Variants in SMOC2 observed in about 807,000 individuals in gnomAD.
SMOC2 encodes SPARC related modular calcium binding 2, also known as SPARC-related modular calcium-binding protein 2.
A neutral mutation model predicts 61.4 loss-of-function variants in SMOC2; 39 were observed. The observed-to-expected ratio is 0.64, with a 90% CI of 0.49 to 0.83. SMOC2 has a LOEUF of 0.83. SMOC2 is among the 40% of genes least tolerant of loss of function. The pLI, the probability that SMOC2 is intolerant of heterozygous loss-of-function variation, is 0.00. For missense variants in SMOC2, 556 were observed against 592.9 expected, an observed-to-expected ratio of 0.94 and a Z score of 0.65; for synonymous variants, 247 against 239.9, an observed-to-expected ratio of 1.03 and a Z score of -0.27.
intron 1 of SMOC2, among the ~76,000 whole-genome samples, chr6:168,473,395 G>A (rs545111336): frequency 3.9e-5 from 6 of 152,292 alleles, no homozygotes; most frequent in South Asian, 4.1e-4. Context: ...CTGCAGCACC[G>A]CCCTTACCTG....
intron 9 of SMOC2, among the ~76,000 whole-genome samples, chr6:168,622,372 G>A (rs867244644): frequency 7.3e-5 from 11 of 151,638 alleles, no homozygotes; most frequent in East Asian, 1.9e-4. Context: ...GGAGGCTGCC[G>A]GATTCATGAA....
intron 7 of SMOC2, among the ~76,000 whole-genome samples, chr6:168,567,630 G>A (rs753246130): frequency 1.4e-4 from 21 of 152,130 alleles, no homozygotes; most frequent in Admixed American, 3.9e-4. Context: ...TTCAGAGGTG[G>A]CAAAGCAAAT....
At chr6:168,506,387 T>A (rs968736845) in intron 1 of SMOC2, among the ~76,000 whole-genome samples, 1 of 152,238 alleles carries the variant, frequency 6.6e-6, no homozygotes, top group Non-Finnish European at 1.5e-5. Flanking sequence ...AACATTTCCT[T>A]AATGTCTTCT....
chr6:168,608,388 A>C, intron 9 of SMOC2, 149 bp downstream of exon 9: 2 of 883,082 alleles, frequency 2.3e-6, no homozygotes, highest in Non-Finnish European at 3.5e-6. Context: ...GAGGGCCCTG[A>C]GTCCAGGCAG....
At chr6:168,538,129 G>A (rs555923682) in intron 4 of SMOC2, among the ~76,000 whole-genome samples, 6 of 137,920 alleles carry the variant, frequency 4.4e-5, no homozygotes, top group South Asian at 2.5e-4. Context: ...TAGGGTGACC[G>A]CTGCTGGAAT....
At chr6:168,566,860 G>A (rs984152017) in intron 7 of SMOC2, among the ~76,000 whole-genome samples, 3 of 151,828 alleles carry the variant, frequency 2.0e-5, no homozygotes, top group Admixed American at 6.6e-5. Flanking sequence ...GGCACATGAC[G>A]GAATCATACT....
At chr6:168,541,525 G>A (rs896350410) in intron 4 of SMOC2, among the ~76,000 whole-genome samples, 1 of 152,164 alleles carries the variant, frequency 6.6e-6, no homozygotes, top group Non-Finnish European at 1.5e-5. Flanking sequence ...TGCTTGCATG[G>A]CTCTGCTGGC....
intron 1 of SMOC2, among the ~76,000 whole-genome samples, chr6:168,461,174 C>G (rs1430100882): frequency 6.6e-6 from 1 of 152,200 alleles, no homozygotes; most frequent in Non-Finnish European, 1.5e-5. Flanking sequence ...GCAAAGAGAG[C>G]TTGTGCAGGG....
chr6:168,648,328 C>T (rs1562403128), intron 9 of SMOC2, among the ~76,000 whole-genome samples: 1 of 152,238 alleles, frequency 6.6e-6, no homozygotes, highest in South Asian at 2.1e-4. Context: ...TGTCTCGTCG[C>T]CCTGGACAAG....
In SMOC2 at chr6:168,667,766, A is replaced by T. The variant is rs1324654475; in HGVS notation, c.*1328A>T. On this transcript the variant is annotated 3_prime_UTR_variant, in exon 13 of 13. Transcript: ENST00000356284. ...CCCCTGAGACATGCCTTGTAGAATG[A>T]TTTTGTGATGTTGTGATGCTTGTGG... 2 of 152,094 alleles carry T rather than the reference A, an allele frequency of 1.3e-5. No homozygotes were observed. The highest frequency in any genetic ancestry group is 2.4e-5 in the African/African-American group (1 of 41,404). 9.4% of individuals were successfully genotyped at this position (152,094 alleles called of 1,614,324 possible). A position where few individuals can be genotyped will look rare whatever the true frequency, so the allele number is the denominator to read the frequency against.
chr6:168,562,800 G>A (rs1014988698), intron 7 of SMOC2, among the ~76,000 whole-genome samples: 2 of 152,176 alleles, frequency 1.3e-5, no homozygotes, highest in Non-Finnish European at 1.5e-5. Flanking sequence ...AGCGTTGCCC[G>A]TGGAGCTGTT....
intron 1 of SMOC2, among the ~76,000 whole-genome samples, chr6:168,486,637 G>T (rs138170226): frequency 6.1e-4 from 93 of 151,324 alleles, no homozygotes; most frequent in Non-Finnish European, 1.0e-3. Flanking sequence ...GGCTGTGAGC[G>T]CATCCAAACC....
At chr6:168,570,309 C>A (rs1462218899) in intron 7 of SMOC2, among the ~76,000 whole-genome samples, 5 of 152,122 alleles carry the variant, frequency 3.3e-5, no homozygotes, top group African/African-American at 9.7e-5. Context: ...GAAGATGTGA[C>A]TTCTCTGTGG....
intron 8 of SMOC2, among the ~76,000 whole-genome samples, chr6:168,607,486 A>G (rs6934376): frequency 0.017 from 2,620 of 152,258 alleles, 67 homozygotes; most frequent in African/African-American, 0.061. Context: ...GAGCTCTGCA[A>G]CCGCAGCAGC....
intron 7 of SMOC2, among the ~76,000 whole-genome samples, chr6:168,568,863 C>T (rs751904085): frequency 2.6e-5 from 4 of 152,190 alleles, no homozygotes; most frequent in Non-Finnish European, 5.9e-5. Context: ...AAGGTTCCCC[C>T]GTGTCTTTTC....
At chr6:168,534,280 A>G (rs1206631268) in intron 4 of SMOC2, among the ~76,000 whole-genome samples, 1 of 152,248 alleles carries the variant, frequency 6.6e-6, no homozygotes, top group African/African-American at 2.4e-5. Flanking sequence ...AATTTTCAAT[A>G]AAAGATTCAG....
chr6:168,597,003 A>T (rs1020553330), intron 7 of SMOC2, among the ~76,000 whole-genome samples: 5 of 152,224 alleles, frequency 3.3e-5, no homozygotes, highest in Admixed American at 6.5e-5. Flanking sequence ...AGCTTATTCT[A>T]AAAAATGTTG....
At chr6:168,634,279 C>T (rs1786653825) in intron 9 of SMOC2, among the ~76,000 whole-genome samples, 1 of 152,176 alleles carries the variant, frequency 6.6e-6, no homozygotes, top group South Asian at 2.1e-4. Flanking sequence ...AAGAATGATA[C>T]TAAGTCCTGA....
intron 7 of SMOC2, among the ~76,000 whole-genome samples, chr6:168,558,431 C>G (rs1396140835): frequency 1.3e-5 from 2 of 152,142 alleles, no homozygotes; most frequent in Non-Finnish European, 2.9e-5. Flanking sequence ...ACCTTTCTTC[C>G]CATCGAAGTT....
Sources: allele counts gnomAD v4.1 joint callset (sites outside exome capture counted in the v4.1 genomes callset), GRCh38; gene constraint gnomAD v4.1.1; transcripts MANE v1.5; gene names NCBI Gene and HGNC (gene_info 2026-07-23, HGNC 2026-07-21).